THSD7A: variants seen among roughly 807,000 people sequenced by gnomAD.
The protein encoded by THSD7A is thrombospondin type 1 domain containing 7A.
THSD7A carries 96 observed loss-of-function variants against 231.3 expected under a neutral mutation model. The ratio of observed to expected loss-of-function variants is 0.41; its 90% CI spans 0.35 to 0.49. The LOEUF is 0.49. Among genes scored for constraint, THSD7A ranks in the 20% least tolerant of loss-of-function variants. The pLI, the probability that THSD7A is intolerant of heterozygous loss-of-function variation, is 0.05. For missense variants in THSD7A, 2,290 were observed against 2,070.2 expected (o/e 1.11, Z -2.06); for synonymous variants, 940 against 743.3 (o/e 1.26, Z -4.30).
At position 11,665,196 on chromosome 7, in the gene THSD7A, T is replaced by C. The variant is rs115251559; in HGVS notation, c.191-28235A>G. On this transcript the variant is annotated intron_variant, in intron 1 of 27. Transcript: ENST00000423059. ...ACAAAGCATATTTCCAAGGAGAAAA[T>C]GTGAATGTTGGAAGAGCCAACTCTC... Among the ~76,000 whole-genome samples the C allele has an allele frequency of 5.5e-3, 838 of 152,130 alleles. 6 individuals carry two copies. The highest frequency in any genetic ancestry group is 0.019 in the African/African-American group (801 of 41,522).
chr7:11,403,558 T>C (rs945693833), intron 22 of THSD7A, among the ~76,000 whole-genome samples: 4 of 152,168 alleles, frequency 2.6e-5, no homozygotes, highest in African/African-American at 7.2e-5. Context: ...TTAAAAAAAT[T>C]CCTGTCAATA....
At chr7:11,386,032 C>CA (rs1188217860) in intron 23 of THSD7A, among the ~76,000 whole-genome samples, 1 of 152,168 alleles carries the variant, frequency 6.6e-6, no homozygotes, top group African/African-American at 2.4e-5. Flanking sequence ...CATGTCCCTG[C>CA]AAAGGACATG....
At chr7:11,567,389 G>T (rs1359873877) in intron 4 of THSD7A, among the ~76,000 whole-genome samples, 3 of 152,292 alleles carry the variant, frequency 2.0e-5, no homozygotes, top group Non-Finnish European at 4.4e-5. Context: ...CCGCCGTCAT[G>T]ATTCAATTAC....
At chr7:11,516,106 G>A (rs1484622640) in intron 6 of THSD7A, among the ~76,000 whole-genome samples, 3 of 151,448 alleles carry the variant, frequency 2.0e-5, no homozygotes, top group Non-Finnish European at 3.0e-5. Context: ...TTATTTGTGT[G>A]CATCTTTATT....
chr7:11,468,605 G>C, intron 9 of THSD7A, among the ~76,000 whole-genome samples: 1 of 152,144 alleles, frequency 6.6e-6, no homozygotes, highest in South Asian at 2.1e-4. Flanking sequence ...AGGCTGAGAT[G>C]GGTGGATCAC....
At chr7:11,534,684 C>T (rs995713737) in intron 6 of THSD7A, among the ~76,000 whole-genome samples, 3 of 152,044 alleles carry the variant, frequency 2.0e-5, no homozygotes, top group Admixed American at 6.6e-5. Context: ...ATAGGGAATA[C>T]AGAATCAATG....
intron 1 of THSD7A, among the ~76,000 whole-genome samples, chr7:11,778,169 A>AAAAAAAAAAAAAAAG (rs1562548864): frequency 1.4e-5 from 2 of 147,604 alleles, no homozygotes; most frequent in Non-Finnish European, 3.0e-5. Flanking sequence ...AAAAAAAAAA[A>AAAAAAAAAAAAAAAG]AAAAAAAAAG....
chr7:11,400,290 C>A (rs962537098), intron 23 of THSD7A, among the ~76,000 whole-genome samples: 5 of 151,940 alleles, frequency 3.3e-5, no homozygotes, highest in African/African-American at 1.2e-4. Context: ...TGCACATGTA[C>A]CTTAGAACTT....
At chr7:11,569,086 G>A (rs1790510389) in intron 4 of THSD7A, among the ~76,000 whole-genome samples, 1 of 151,394 alleles carries the variant, frequency 6.6e-6, no homozygotes, top group South Asian at 2.1e-4. Context: ...ACTATAAAAT[G>A]ACTAGAAGAA....
rs1201600156 is a variant in THSD7A at position 11,377,826 on chromosome 7, C to G, written c.4802-1169G>C. ...TTTTAAAATTTTAACTTTGGGGAAA[C>G]TATATATAAAATTTAAAATAATGAC... On this transcript the variant is annotated intron_variant, in intron 26 of 27. Transcript: ENST00000423059. The surrounding 1 kb of genome is among the most constrained non-coding windows in gnomAD (Gnocchi z 4.5). 1 of 151,534 alleles carries G rather than the reference C, an allele frequency of 6.6e-6. No homozygotes were observed. Among genetic ancestry groups the G allele is most frequent in the East Asian group, 1.9e-4 (1 of 5,184 alleles). The allele number at this position is 151,534 out of a possible 1,614,324, so 9.4% of individuals were successfully genotyped here. A position where few individuals can be genotyped will look rare whatever the true frequency, so the allele number is the denominator to read the frequency against.
chr7:11,425,773 C>CTG (rs1784298974), intron 15 of THSD7A, among the ~76,000 whole-genome samples: 8 of 148,584 alleles, frequency 5.4e-5, no homozygotes, highest in African/African-American at 2.0e-4. Context: ...CACTGAGAGA[C>CTG]AGAGACAGAG....
intron 17 of THSD7A, among the ~76,000 whole-genome samples, chr7:11,413,646 G>A (rs1304344092): frequency 6.6e-6 from 1 of 152,170 alleles, no homozygotes; most frequent in Non-Finnish European, 1.5e-5. Context: ...CCAAACCCAA[G>A]TGCCTTTGTA....
chr7:11,539,887 C>T (rs1317999166), intron 6 of THSD7A, among the ~76,000 whole-genome samples: 2 of 152,098 alleles, frequency 1.3e-5, no homozygotes, highest in Non-Finnish European at 2.9e-5. Flanking sequence ...CTCTATAGGA[C>T]TATGGAAGGA....
intron 22 of THSD7A, among the ~76,000 whole-genome samples, chr7:11,405,677 A>G (rs1239172025): frequency 6.6e-6 from 1 of 152,144 alleles, no homozygotes; most frequent in African/African-American, 2.4e-5. Context: ...TTTTCTTTCT[A>G]CTTTTACTGC....
At chr7:11,676,214 G>A (rs1029040221) in intron 1 of THSD7A, among the ~76,000 whole-genome samples, 1 of 152,122 alleles carries the variant, frequency 6.6e-6, no homozygotes, top group Admixed American at 6.5e-5. Context: ...GAAAGCAATA[G>A]CATCAACATC....
chr7:11,568,316 A>G (rs1041020976), intron 4 of THSD7A, among the ~76,000 whole-genome samples: 2 of 141,314 alleles, frequency 1.4e-5, no homozygotes, highest in African/African-American at 6.4e-5. Context: ...CTGTAGTGTC[A>G]CTGAGTATTT....
At chr7:11,763,421 G>A (rs1166841536) in intron 1 of THSD7A, among the ~76,000 whole-genome samples, 1 of 152,022 alleles carries the variant, frequency 6.6e-6, no homozygotes, top group Admixed American at 6.6e-5. Flanking sequence ...CATCAAAATA[G>A]TTTTACATTG....
intron 1 of THSD7A, among the ~76,000 whole-genome samples, chr7:11,680,350 T>TG (rs1364207282): frequency 6.6e-6 from 1 of 151,956 alleles, no homozygotes; most frequent in Admixed American, 6.6e-5. Flanking sequence ...AATTGACAAA[T>TG]GGGATCTAAT....
chr7:11,490,792 T>C (rs945357408), intron 6 of THSD7A, among the ~76,000 whole-genome samples: 15 of 152,114 alleles, frequency 9.9e-5, no homozygotes. Flanking sequence ...GCTTCCCACT[T>C]ACCACTAATG....
Sources: allele counts gnomAD v4.1 joint callset (sites outside exome capture counted in the v4.1 genomes callset), GRCh38; gene constraint gnomAD v4.1.1; non-coding constraint Gnocchi (gnomAD v3.1); transcripts MANE v1.5; gene names NCBI Gene and HGNC (gene_info 2026-07-23, HGNC 2026-07-21).